Variants in LRP1B observed in about 807,000 individuals in gnomAD.
LRP1B encodes the protein low-density lipoprotein receptor-related protein 1B.
LRP1B carries 217 observed loss-of-function variants against 556.6 expected under a neutral mutation model. The observed-to-expected ratio is 0.39, with a 90% CI of 0.35 to 0.44. LRP1B has a LOEUF of 0.44. Ranked by LOEUF, LRP1B falls within the 20% of genes least tolerant of loss-of-function variation. LRP1B has a pLI of 1.00. For synonymous variants in LRP1B, 2,047 were observed against 1,865.8 expected, an observed-to-expected ratio of 1.10 and a Z score of -2.50; for missense variants, 5,053 against 5,620.8, an observed-to-expected ratio of 0.90 and a Z score of 3.23.
At chr2:140,443,837 T>G (rs987622812) in intron 65 of LRP1B, among the ~76,000 whole-genome samples, 6 of 152,210 alleles carry the variant, frequency 3.9e-5, no homozygotes, top group African/African-American at 1.4e-4. Flanking sequence ...AATGGAGCAA[T>G]ATTTAGAATT....
intron 2 of LRP1B, among the ~76,000 whole-genome samples, chr2:141,695,263 T>G (rs1691695369): frequency 6.6e-6 from 1 of 152,028 alleles, no homozygotes; most frequent in Admixed American, 6.6e-5. Flanking sequence ...TGACATATTC[T>G]GATGCCTCCT....
intron 1 of LRP1B, among the ~76,000 whole-genome samples, chr2:142,041,578 T>C (rs1251118661): frequency 1.3e-5 from 2 of 151,626 alleles, no homozygotes; most frequent in East Asian, 3.9e-4. Flanking sequence ...ATGTTTTCAT[T>C]TGCTTTGAAA....
chr2:141,557,856 T>C (rs1446126819), intron 2 of LRP1B, among the ~76,000 whole-genome samples: 1 of 151,888 alleles, frequency 6.6e-6, no homozygotes, highest in Admixed American at 6.6e-5. Context: ...GGGACCTACA[T>C]GTGGGTACCA....
chr2:140,725,456 C>T (rs115799935), intron 35 of LRP1B, among the ~76,000 whole-genome samples: 3,738 of 145,438 alleles, frequency 0.026, 62 homozygotes, highest in Non-Finnish European at 0.039. Context: ...ATTATAATAG[C>T]GTAAAAACTC....
intron 3 of LRP1B, among the ~76,000 whole-genome samples, chr2:141,292,823 G>A (rs1245583320): frequency 6.6e-6 from 1 of 152,150 alleles, no homozygotes; most frequent in Non-Finnish European, 1.5e-5. Flanking sequence ...CAAATGCAAT[G>A]TGAAATCCTA....
chr2:140,366,586 A>C (rs550550859), intron 71 of LRP1B, among the ~76,000 whole-genome samples: 4 of 151,916 alleles, frequency 2.6e-5, no homozygotes, highest in Non-Finnish European at 4.4e-5. Context: ...AGTCTACAAA[A>C]GAGACTGAGA....
chr2:140,391,116 CTT>C (rs952999107), intron 66 of LRP1B, among the ~76,000 whole-genome samples: 2 of 151,920 alleles, frequency 1.3e-5, no homozygotes, highest in African/African-American at 4.8e-5. Flanking sequence ...GATAAGCAAA[CTT>C]ATCATAACTA....
chr2:141,641,306 A>C (rs921107267), intron 2 of LRP1B, among the ~76,000 whole-genome samples: 3 of 152,172 alleles, frequency 2.0e-5, no homozygotes, highest in African/African-American at 7.2e-5. Context: ...ATGCATTCAA[A>C]CATCAGGCAT....
chr2:140,843,117 G>A (rs576250823), intron 29 of LRP1B, among the ~76,000 whole-genome samples: 10 of 107,228 alleles, frequency 9.3e-5, no homozygotes, highest in South Asian at 6.2e-4. Flanking sequence ...TTTTGGTGGT[G>A]GGGGGTGAGG....
At chr2:141,579,125 G>A (rs932585923) in intron 2 of LRP1B, among the ~76,000 whole-genome samples, 70 of 152,136 alleles carry the variant, frequency 4.6e-4, no homozygotes, top group African/African-American at 1.6e-3. Context: ...CTTTTCCATG[G>A]ATGCCAATTT....
At chr2:141,812,052 T>C (rs545984763) in intron 1 of LRP1B, among the ~76,000 whole-genome samples, 1 of 152,192 alleles carries the variant, frequency 6.6e-6, no homozygotes, top group African/African-American at 2.4e-5. Context: ...TGAGAAAAAA[T>C]ACATTTTCTA....
intron 77 of LRP1B, among the ~76,000 whole-genome samples, chr2:140,348,988 GCATCCACATTTCACAGATTCCTCA>G (rs1294686297): frequency 1.3e-5 from 2 of 151,992 alleles, no homozygotes; most frequent in Admixed American, 6.6e-5. Flanking sequence ...TAGATTCCTC[GCATCCACATTTCACAGATTCCTCA>G]CATGCACAGT....
intron 41 of LRP1B, among the ~76,000 whole-genome samples, chr2:140,646,777 T>C (rs1684499873): frequency 6.6e-6 from 1 of 152,100 alleles, no homozygotes; most frequent in Non-Finnish European, 1.5e-5. Context: ...CCTAGATATA[T>C]ATATAAATGT....
intron 2 of LRP1B, among the ~76,000 whole-genome samples, chr2:141,498,070 GTA>G (rs1683576523): frequency 1.3e-5 from 2 of 152,012 alleles, no homozygotes; most frequent in African/African-American, 4.8e-5. Flanking sequence ...AAAAACTTGA[GTA>G]TCTCAGGAGC....
chr2:141,962,276 A>T (rs1701422363), intron 1 of LRP1B, among the ~76,000 whole-genome samples: 1 of 151,676 alleles, frequency 6.6e-6, no homozygotes, highest in Non-Finnish European at 1.5e-5. Context: ...GGCCAAAATA[A>T]TTTTCAGAAA....
intron 7 of LRP1B, among the ~76,000 whole-genome samples, chr2:141,107,546 T>C (rs965833948): frequency 6.6e-6 from 1 of 152,042 alleles, no homozygotes; most frequent in African/African-American, 2.4e-5. Flanking sequence ...CTTGGGAGGC[T>C]GAAGCAGGAG....
chr2:140,767,141 T>C (rs1007949762), intron 35 of LRP1B, among the ~76,000 whole-genome samples: 4 of 151,860 alleles, frequency 2.6e-5, no homozygotes, highest in Non-Finnish European at 4.4e-5. Context: ...TTCACTGGCC[T>C]GTAGATCTCT....
intron 20 of LRP1B, among the ~76,000 whole-genome samples, chr2:140,926,662 A>C (rs902091885): frequency 6.6e-6 from 1 of 152,016 alleles, no homozygotes; most frequent in East Asian, 1.9e-4. Flanking sequence ...GATTTTTAGG[A>C]CTCATTTGAC....
intron 11 of LRP1B, among the ~76,000 whole-genome samples, 198 bp from the exon 12 acceptor site, chr2:141,020,300 T>A (rs577837489): frequency 6.6e-6 from 1 of 152,110 alleles, no homozygotes; most frequent in Non-Finnish European, 1.5e-5. Flanking sequence ...TGCCTTTTTA[T>A]GTGAATAATA....
Sources: gnomAD v4.1 joint callset for allele counts (sites outside exome capture counted in the v4.1 genomes callset) on GRCh38, gnomAD v4.1.1 for gene constraint, MANE v1.5 for transcripts, NCBI Gene and HGNC (gene_info 2026-07-23, HGNC 2026-07-21) for gene names.